ENAH: variants seen among roughly 807,000 people sequenced by gnomAD.
The protein encoded by ENAH is protein enabled homolog.
ENAH carries 23 observed loss-of-function variants against 78.7 expected under a neutral mutation model. The observed-to-expected ratio is 0.29, with a 90% confidence interval of 0.21 to 0.41. The LOEUF (loss-of-function observed/expected upper bound fraction) is 0.41, where lower values mean the gene tolerates loss of function less well. ENAH is among the 10% of genes least tolerant of loss of function. The pLI, the probability that ENAH is intolerant of heterozygous loss-of-function variation, is 1.00. For missense variants in ENAH, 544 were observed against 691.0 expected, an observed-to-expected ratio of 0.79 and a Z score of 2.39; for synonymous variants, 226 against 241.0, an observed-to-expected ratio of 0.94 and a Z score of 0.58.
At chr1:225,646,113 A>G (rs960509317) in intron 1 of ENAH, among the ~76,000 whole-genome samples, 2 of 152,150 alleles carry the variant, frequency 1.3e-5, no homozygotes, top group Non-Finnish European at 2.9e-5. Flanking sequence ...AAACTTATCT[A>G]AAGTTCACCT....
At chr1:225,594,713 A>G (rs1454199765) in intron 1 of ENAH, among the ~76,000 whole-genome samples, 1 of 152,258 alleles carries the variant, frequency 6.6e-6, no homozygotes, top group South Asian at 2.1e-4. Context: ...AGCAGGAACC[A>G]TGGATAACCA....
intron 3 of ENAH, chr1:225,535,581 G>C (rs1284665136): frequency 7.7e-7 from 1 of 1,300,400 alleles, no homozygotes; most frequent in Admixed American, 2.3e-5. Flanking sequence ...AGACACCTTG[G>C]TGTTAGAAGC....
At chr1:225,535,515 A>T (rs566169309) in intron 3 of ENAH, 1 of 1,303,138 alleles carries the variant, frequency 7.7e-7, no homozygotes, top group Non-Finnish European at 1.0e-6. Context: ...ACCACAGAAA[A>T]TACATCGCAA....
At chr1:225,510,623 A>G (rs899763815) in intron 10 of ENAH, among the ~76,000 whole-genome samples, 9 of 151,794 alleles carry the variant, frequency 5.9e-5, no homozygotes, top group African/African-American at 2.2e-4. Context: ...GTCACCATTT[A>G]ATAATAAGAA....
chr1:225,610,444 A>G (rs2148117680), intron 1 of ENAH, among the ~76,000 whole-genome samples: 1 of 152,310 alleles, frequency 6.6e-6, no homozygotes, highest in South Asian at 2.1e-4. Context: ...TACTATAAAA[A>G]TATTGGGGGA....
intron 1 of ENAH, among the ~76,000 whole-genome samples, chr1:225,589,486 T>C (rs1171112951): frequency 6.6e-6 from 1 of 152,152 alleles, no homozygotes; most frequent in African/African-American, 2.4e-5. Flanking sequence ...CCCACAGATA[T>C]TAAAATCTGC....
chr1:225,536,600 G>A (rs2096562802), intron 3 of ENAH, among the ~76,000 whole-genome samples: 1 of 151,860 alleles, frequency 6.6e-6, no homozygotes, highest in Non-Finnish European at 1.5e-5. Flanking sequence ...CCCTAAGACT[G>A]TTATTATTTA....
chr1:225,584,537 A>G (rs2096835875), intron 1 of ENAH, among the ~76,000 whole-genome samples: 1 of 152,214 alleles, frequency 6.6e-6, no homozygotes, highest in Non-Finnish European at 1.5e-5. Flanking sequence ...AAATATTAAA[A>G]TGGTAGACTG....
At chr1:225,637,643 G>A (rs1028279642) in intron 1 of ENAH, among the ~76,000 whole-genome samples, 5 of 152,052 alleles carry the variant, frequency 3.3e-5, no homozygotes, top group Non-Finnish European at 5.9e-5. Flanking sequence ...TCTGGGTGCT[G>A]GTTTTTAATT....
intron 2 of ENAH, among the ~76,000 whole-genome samples, chr1:225,563,461 T>G (rs1024190892): frequency 6.6e-5 from 10 of 152,204 alleles, no homozygotes; most frequent in African/African-American, 2.4e-4. Flanking sequence ...CAAGATTAAT[T>G]TTATGCCTAA....
intron 3 of ENAH, among the ~76,000 whole-genome samples, chr1:225,535,815 T>C (rs1468537844): frequency 6.6e-6 from 1 of 152,132 alleles, no homozygotes; most frequent in African/African-American, 2.4e-5. Context: ...GATGCACTTA[T>C]AACTTAGTTA....
At chr1:225,650,090 T>A (rs1439272719) in intron 1 of ENAH, among the ~76,000 whole-genome samples, 1 of 152,214 alleles carries the variant, frequency 6.6e-6, no homozygotes, top group Non-Finnish European at 1.5e-5. Flanking sequence ...CCAAAGACTT[T>A]TGCAAGCAGC....
chr1:225,561,872 G>A (rs1201201429), intron 2 of ENAH, among the ~76,000 whole-genome samples: 3 of 151,898 alleles, frequency 2.0e-5, no homozygotes, highest in Non-Finnish European at 2.9e-5. Context: ...TTGTGACCTC[G>A]CTCACTATCT....
intron 2 of ENAH, among the ~76,000 whole-genome samples, chr1:225,564,856 C>T (rs1382831459): frequency 6.6e-6 from 1 of 151,470 alleles, no homozygotes; most frequent in Non-Finnish European, 1.5e-5. Flanking sequence ...TTTTTAGTTT[C>T]CCTTTTTTTC....
intron 1 of ENAH, among the ~76,000 whole-genome samples, chr1:225,584,188 T>C (rs1029881107): frequency 2.0e-5 from 3 of 152,166 alleles, no homozygotes; most frequent in Admixed American, 1.3e-4. Context: ...TAAATATAAA[T>C]TGGACTGTGT....
At chr1:225,545,031 CA>C (rs1236935326) in intron 3 of ENAH, among the ~76,000 whole-genome samples, 3 of 152,254 alleles carry the variant, frequency 2.0e-5, no homozygotes, top group Admixed American at 2.0e-4. Flanking sequence ...ATGATAACAG[CA>C]ATTAGGAATA....
At chr1:225,535,305 T>C (rs2096556334) in intron 3 of ENAH, among the ~76,000 whole-genome samples, 1 of 152,162 alleles carries the variant, frequency 6.6e-6, no homozygotes. Context: ...TAACTAATTC[T>C]AATGCTCGCT....
rs369321393 is a variant in ENAH, at chr1:225,542,677, T to A, written c.350-12039A>T. Among the ~76,000 whole-genome samples the A allele has an allele frequency of 3.9e-5, 6 of 152,308 alleles. No individual in the cohort carries two copies. In the East Asian group the frequency reaches 7.7e-4, roughly 20 times the overall value. On this transcript the variant is annotated intron_variant, in intron 3 of 13. Transcript: ENST00000366843. ...ATTCTATTAAAATAGTTTGGTTGAA[T>A]ACATAAAAATTAAATAAACTGGGTT...
chr1:225,641,045 A>G (rs1029781091), intron 1 of ENAH, among the ~76,000 whole-genome samples: 1 of 151,900 alleles, frequency 6.6e-6, no homozygotes, highest in Non-Finnish European at 1.5e-5. Flanking sequence ...TTGTATTTTT[A>G]GTAGAGACAG....
Sources: allele counts gnomAD v4.1 joint callset (sites outside exome capture counted in the v4.1 genomes callset), GRCh38; gene constraint gnomAD v4.1.1; transcripts MANE v1.5; gene names NCBI Gene and HGNC (gene_info 2026-07-23, HGNC 2026-07-21).